Variants in PAX2 observed in about 807,000 individuals in gnomAD.
PAX2 encodes paired box 2.
Under a neutral mutation model 41.7 loss-of-function variants are expected in PAX2, and 9 were observed. The ratio of observed to expected loss-of-function variants is 0.22; its 90% CI spans 0.13 to 0.38. The LOEUF (loss-of-function observed/expected upper bound fraction) is 0.38, where lower values mean the gene tolerates loss of function less well. Among genes scored for constraint, PAX2 ranks in the 10% least tolerant of loss-of-function variants. The probability of loss-of-function intolerance (pLI) is 1.00; values close to 1 mark genes in which losing one functional copy is unlikely to be tolerated. For synonymous variants in PAX2, 221 were observed against 212.7 expected, an observed-to-expected ratio of 1.04 and a Z score of -0.34; for missense variants, 418 against 531.6, an observed-to-expected ratio of 0.79 and a Z score of 2.10.
intron 6 of PAX2, among the ~76,000 whole-genome samples, chr10:100,808,559 C>T (rs1160496024): frequency 1.3e-5 from 2 of 152,120 alleles, no homozygotes; most frequent in Admixed American, 1.3e-4. Flanking sequence ...CCCCTCCTAC[C>T]CTTCTGTTAG....
chr10:100,748,550 C>T lies in PAX2; in HGVS notation c.44-1196C>T. Reference sequence around the variant, plus strand: ...AGTCCGGGCCGACCCGACTCGGCCGCTAGAAGTCTCTGCGCTTGGATTGCT... The same window carrying T: ...AGTCCGGGCCGACCCGACTCGGCCGTTAGAAGTCTCTGCGCTTGGATTGCT... On this transcript the variant is annotated intron_variant, in intron 1 of 9. Coordinates refer to ENST00000355243, the MANE Select transcript of PAX2 (RefSeq NM_000278.5). The surrounding 1 kb of genome is among the most constrained non-coding windows in gnomAD (Gnocchi z 5.0). 1 of 985,422 alleles carries T rather than the reference C, an allele frequency of 1.0e-6. No individual in the cohort carries two copies. The highest frequency in any genetic ancestry group is 1.2e-6 in the Non-Finnish European group (1 of 829,922). 61.0% of individuals were successfully genotyped at this position (985,422 alleles called of 1,614,324 possible). A position where few individuals can be genotyped will look rare whatever the true frequency, so the allele number is the denominator to read the frequency against.
At chr10:100,803,124 T>A (rs146547826) in intron 5 of PAX2, among the ~76,000 whole-genome samples, 1 of 152,164 alleles carries the variant, frequency 6.6e-6, no homozygotes, top group Non-Finnish European at 1.5e-5. Context: ...CTCCTTCCCC[T>A]GCAAAGCCAC....
At chr10:100,801,627 G>A (rs1388124723) in intron 5 of PAX2, among the ~76,000 whole-genome samples, 1 of 152,190 alleles carries the variant, frequency 6.6e-6, no homozygotes, top group Non-Finnish European at 1.5e-5. Context: ...ATTTGGACCA[G>A]ACATCCTCTA....
chr10:100,815,241 A>G (rs1337421809), intron 7 of PAX2, among the ~76,000 whole-genome samples: 1 of 152,204 alleles, frequency 6.6e-6, no homozygotes, highest in East Asian at 1.9e-4. Flanking sequence ...GGAGAGGGCA[A>G]TAAAGACTGA....
upstream of PAX2, among the ~76,000 whole-genome samples, chr10:100,743,471 C>T (rs145540121): frequency 3.9e-5 from 6 of 152,276 alleles, no homozygotes; most frequent in East Asian, 1.2e-3. Flanking sequence ...AGTTCACACA[C>T]CCCGAGACAA....
At chr10:100,736,241 A>T (rs565640411) in intron 1 of PAX2, among the ~76,000 whole-genome samples, 3 of 152,216 alleles carry the variant, frequency 2.0e-5, no homozygotes, top group African/African-American at 7.2e-5. Flanking sequence ...TGTCCCCCCA[A>T]CCCCAAATCA....
At chr10:100,786,313 T>A (rs1039200374) in intron 5 of PAX2, among the ~76,000 whole-genome samples, 3 of 152,248 alleles carry the variant, frequency 2.0e-5, no homozygotes, top group African/African-American at 7.2e-5. Flanking sequence ...ATGTCATCTT[T>A]CAGCCTCCAC....
In PAX2 at chr10:100,827,006, C is replaced by T; in HGVS notation, c.1022-3C>T. ...TGATCCCCACTCCCCGACCCTCCCG[C>T]AGGGAGCGAGTTCTCCGGCAACCCG... On this transcript the variant is annotated splice_polypyrimidine_tract_variant and splice_region_variant and intron_variant, in intron 8 of 9. Transcript: ENST00000355243. This position sits in a 1 kb window ranked among gnomAD's most constrained non-coding sequence, Gnocchi z 8.5. 5 of 1,611,280 alleles carry T rather than the reference C, an allele frequency of 3.1e-6. No homozygotes were observed. Among genetic ancestry groups the T allele is most frequent in the Non-Finnish European group, 4.2e-6 (5 of 1,177,506 alleles).
At position 100,746,165 on chromosome 10, in the gene PAX2, C is replaced by T; in HGVS notation, c.-96C>T. The T allele has an allele frequency of 6.2e-7, 1 of 1,605,918 alleles. No individual in the cohort carries two copies. Reference sequence around the variant, plus strand: ...CCGGGCGTTCACTCATCCTCCCTCCCCCACCGTCCCTCCCTTTTCTCCTCA... The same window carrying T: ...CCGGGCGTTCACTCATCCTCCCTCCTCCACCGTCCCTCCCTTTTCTCCTCA... On this transcript the variant is annotated 5_prime_UTR_variant, in exon 1 of 10. Transcript: ENST00000355243.
chr10:100,738,996 G>A (rs1425038796), intron 1 of PAX2, among the ~76,000 whole-genome samples: 1 of 133,742 alleles, frequency 7.5e-6, no homozygotes, highest in Non-Finnish European at 1.6e-5. Flanking sequence ...GGCCTAATCC[G>A]TCGCGCGCGC....
chr10:100,741,305 A>AG (rs1422757393), upstream of PAX2, among the ~76,000 whole-genome samples: 1 of 148,786 alleles, frequency 6.7e-6, no homozygotes, highest in African/African-American at 2.5e-5. Context: ...AGCAGAAATT[A>AG]GGGGGTCTTA....
At chr10:100,739,455 G>C (rs1050877721) in intron 1 of PAX2, among the ~76,000 whole-genome samples, 1 of 152,216 alleles carries the variant, frequency 6.6e-6, no homozygotes, top group Non-Finnish European at 1.5e-5. Context: ...GCGCGCCGCG[G>C]ATGGATCCGA....
At position 100,781,230 on chromosome 10, in the gene PAX2, C is replaced by T. The variant is rs1181378034; in HGVS notation, c.497-16C>T. 1 of 1,613,906 alleles carries T rather than the reference C, an allele frequency of 6.2e-7. No individual in the cohort carries two copies. The highest frequency in any genetic ancestry group is 8.5e-7 in the Non-Finnish European group (1 of 1,179,900). On this transcript the variant is annotated splice_polypyrimidine_tract_variant and intron_variant, in intron 4 of 9. Transcript: ENST00000355243. ...AACTGCTATCCTGATGCCATTTCCTCCTTCCTCTCATCCAGTTCCCAGCAC... is the reference window on the plus strand; with the variant it reads ...AACTGCTATCCTGATGCCATTTCCTTCTTCCTCTCATCCAGTTCCCAGCAC...
chr10:100,739,428 G>C (rs1844877489), intron 1 of PAX2, among the ~76,000 whole-genome samples: 1 of 152,228 alleles, frequency 6.6e-6, no homozygotes, highest in Non-Finnish European at 1.5e-5. Context: ...TGCTGGGAGA[G>C]GAGGAAGGAA....
At chr10:100,751,633 C>T (rs1845447157) in intron 3 of PAX2, among the ~76,000 whole-genome samples, 3 of 152,188 alleles carry the variant, frequency 2.0e-5, no homozygotes, top group Admixed American at 1.3e-4. Flanking sequence ...GTCAGCTTGA[C>T]GTGTAGGATA....
intron 5 of PAX2, among the ~76,000 whole-genome samples, chr10:100,794,652 G>T (rs1191340863): frequency 1.3e-5 from 2 of 152,184 alleles, no homozygotes; most frequent in African/African-American, 2.4e-5. Context: ...TCCAGAGACA[G>T]TCTAACCAAT....
intron 5 of PAX2, among the ~76,000 whole-genome samples, chr10:100,798,195 A>G (rs1478861971): frequency 2.8e-5 from 4 of 144,506 alleles, no homozygotes; most frequent in Admixed American, 2.2e-4. Context: ...AACTCACTGC[A>G]GCCTCCATCC....
upstream of PAX2, among the ~76,000 whole-genome samples, chr10:100,742,858 T>TG (rs1481060333): frequency 6.2e-5 from 4 of 65,040 alleles, no homozygotes; most frequent in African/African-American, 2.7e-4. Flanking sequence ...TTTTTTTTTT[T>TG]TTTTTTTTTT....
rs1227571557 is a variant in PAX2, at chr10:100,779,482, T to TGTGAC, written c.411-14_411-10dup. 3 of 1,573,962 alleles carry TGTGAC rather than the reference T, an allele frequency of 1.9e-6. No homozygotes were observed. In the Admixed American group the frequency reaches 5.6e-5, roughly 29 times the overall value. ...GTGGGCATTTGATGTGTGATGCTGT[T>TGTGAC]GTGACGCTGTTGCAGAATCATCCGG... is the stretch of plus-strand genomic sequence containing the variant. On this transcript the variant is annotated splice_polypyrimidine_tract_variant and intron_variant, in intron 3 of 9. Coordinates refer to ENST00000355243, the MANE Select transcript of PAX2 (RefSeq NM_000278.5).
Sources: gnomAD v4.1 joint callset for allele counts (sites outside exome capture counted in the v4.1 genomes callset) on GRCh38, gnomAD v4.1.1 for gene constraint, Gnocchi (gnomAD v3.1) non-coding constraint, MANE v1.5 for transcripts, NCBI Gene and HGNC (gene_info 2026-07-23, HGNC 2026-07-21) for gene names.